SCFD2: variants seen among roughly 807,000 people sequenced by gnomAD.
SCFD2 encodes sec1 family domain containing 2.
Under a neutral mutation model 58.9 loss-of-function variants are expected in SCFD2, and 54 were observed. The ratio of observed to expected loss-of-function variants is 0.92; its 90% CI spans 0.74 to 1.15. The LOEUF is 1.15. Among genes scored for constraint, SCFD2 ranks in the 50% most tolerant of loss-of-function variants. The pLI is 0.00. For missense variants in SCFD2, 805 were observed against 836.6 expected, an observed-to-expected ratio of 0.96 and a Z score of 0.47; for synonymous variants, 321 against 335.9, an observed-to-expected ratio of 0.96 and a Z score of 0.49.
rs148498199 is a variant in SCFD2, at chr4:52,886,330, G to A, written c.1843-464C>T. Among the ~76,000 whole-genome samples the A allele has an allele frequency of 4.6e-5, 7 of 152,274 alleles. No individual in the cohort carries two copies. The East Asian group carries it at 1.2e-3, about 25-fold the overall frequency. Reference sequence around the variant, plus strand: ...AAAAACCACCTGACTTCGGTTGGGGGACCACCCTTGCATCCCCTCTCTGCT... The same window carrying A: ...AAAAACCACCTGACTTCGGTTGGGGAACCACCCTTGCATCCCCTCTCTGCT... On this transcript the variant is annotated intron_variant, in intron 7 of 8. Coordinates refer to ENST00000401642, the MANE Select transcript of SCFD2 (RefSeq NM_152540.4).
At chr4:53,224,027 C>G (rs1729124144) in intron 4 of SCFD2, among the ~76,000 whole-genome samples, 2 of 152,140 alleles carry the variant, frequency 1.3e-5, no homozygotes, top group Admixed American at 1.3e-4. Flanking sequence ...TCATTCTGGG[C>G]TAGTCAATTA....
At chr4:52,935,499 G>T (rs1720113690) in intron 5 of SCFD2, among the ~76,000 whole-genome samples, 1 of 152,170 alleles carries the variant, frequency 6.6e-6, no homozygotes, top group South Asian at 2.1e-4. Context: ...TGTAAATCCT[G>T]CCCTTAGGTC....
intron 6 of SCFD2, among the ~76,000 whole-genome samples, chr4:52,919,647 C>T (rs1211970129): frequency 2.0e-5 from 3 of 152,240 alleles, no homozygotes; most frequent in African/African-American, 7.2e-5. Context: ...TGGCCATCTG[C>T]ATGCCTGTGG....
intron 3 of SCFD2, among the ~76,000 whole-genome samples, chr4:53,301,963 G>C (rs1732320484): frequency 6.6e-6 from 1 of 152,114 alleles, no homozygotes; most frequent in South Asian, 2.1e-4. Flanking sequence ...AAAATAATAA[G>C]AGCTATCTAT....
At chr4:53,054,730 A>G (rs921332047) in intron 5 of SCFD2, among the ~76,000 whole-genome samples, 1 of 151,810 alleles carries the variant, frequency 6.6e-6, no homozygotes, top group Admixed American at 6.6e-5. Context: ...ACAGCTGCTT[A>G]GCAGCCTTGA....
intron 5 of SCFD2, among the ~76,000 whole-genome samples, chr4:52,925,245 C>T (rs2109490471): frequency 6.7e-6 from 1 of 150,020 alleles, no homozygotes; most frequent in South Asian, 2.1e-4. Context: ...TTCATATCTG[C>T]TAAGGCCACA....
chr4:53,361,927 C>T (rs1734558424), intron 1 of SCFD2, among the ~76,000 whole-genome samples: 1 of 152,108 alleles, frequency 6.6e-6, no homozygotes, highest in Non-Finnish European at 1.5e-5. Context: ...TTAATCCACT[C>T]ATTTATCCAT....
At chr4:52,915,937 C>G (rs1719591933) in intron 6 of SCFD2, among the ~76,000 whole-genome samples, 1 of 152,244 alleles carries the variant, frequency 6.6e-6, no homozygotes, top group Non-Finnish European at 1.5e-5. Flanking sequence ...CAGAGAGCCA[C>G]ATTTCACTGG....
chr4:53,355,035 T>C (rs1227935105), intron 1 of SCFD2, among the ~76,000 whole-genome samples: 4 of 152,190 alleles, frequency 2.6e-5, no homozygotes, highest in Admixed American at 2.0e-4. Flanking sequence ...GACCAGAAAA[T>C]ACCAATTCTG....
rs192949248 is a variant in SCFD2, at chr4:53,066,934, G to A, written c.1561+78399C>T. On this transcript the variant is annotated intron_variant, in intron 5 of 8. Coordinates refer to ENST00000401642, the MANE Select transcript of SCFD2 (RefSeq NM_152540.4). Reference sequence around the variant, plus strand: ...TAGAATGCAGGCCTCATGAGGAAAAGGGGCTGATGATGCTCATTCCTGCCA... The same window carrying A: ...TAGAATGCAGGCCTCATGAGGAAAAAGGGCTGATGATGCTCATTCCTGCCA... Among the ~76,000 whole-genome samples the A allele has an allele frequency of 3.9e-3, 597 of 152,164 alleles. 2 individuals carry two copies. Among genetic ancestry groups the A allele is most frequent in the African/African-American group, 0.014 (573 of 41,530 alleles).
At chr4:53,295,301 T>C (rs1577940156) in intron 3 of SCFD2, among the ~76,000 whole-genome samples, 1 of 152,210 alleles carries the variant, frequency 6.6e-6, no homozygotes, top group East Asian at 1.9e-4. Context: ...TTTGTTTGTG[T>C]CCTCTCTGAT....
chr4:52,937,069 A>G (rs1439659073), intron 5 of SCFD2, among the ~76,000 whole-genome samples: 1 of 152,230 alleles, frequency 6.6e-6, no homozygotes, highest in African/African-American at 2.4e-5. Context: ...TACAAGAAAA[A>G]TGGAGGTAGG....
chr4:53,232,271 G>C (rs1342669989), intron 4 of SCFD2, among the ~76,000 whole-genome samples: 1 of 152,092 alleles, frequency 6.6e-6, no homozygotes, highest in South Asian at 2.1e-4. Flanking sequence ...ACTACTCAAA[G>C]GAATCTTTTG....
chr4:53,271,435 C>CTTTATTAATTTA, intron 4 of SCFD2, among the ~76,000 whole-genome samples: 1 of 139,504 alleles, frequency 7.2e-6, no homozygotes, highest in Middle Eastern at 3.6e-3. Context: ...ACATACATCA[C>CTTTATTAATTTA]TTTATTTATT....
chr4:53,334,611 G>A (rs1733615866), intron 2 of SCFD2, among the ~76,000 whole-genome samples: 2 of 149,876 alleles, frequency 1.3e-5, no homozygotes, highest in African/African-American at 4.9e-5. Context: ...TGGGGTGGGG[G>A]GAAGGGGGAG....
chr4:53,210,718 T>G (rs1349920659), intron 4 of SCFD2, among the ~76,000 whole-genome samples: 4 of 152,152 alleles, frequency 2.6e-5, no homozygotes, highest in Non-Finnish European at 5.9e-5. Context: ...ATATTGATTT[T>G]TGTCCATTGT....
chr4:53,225,235 T>A (rs185429392), intron 4 of SCFD2, among the ~76,000 whole-genome samples: 7 of 152,270 alleles, frequency 4.6e-5, no homozygotes, highest in African/African-American at 1.2e-4. Flanking sequence ...AATAGTAATG[T>A]TTCTGAATGA....
At chr4:53,156,649 G>A (rs68028140) in intron 4 of SCFD2, among the ~76,000 whole-genome samples, 24,422 of 152,190 alleles carry the variant, frequency 0.16, 2,420 homozygotes, top group Admixed American at 0.25. Context: ...CGTGAGCCGA[G>A]ATTGAGCCAC....
Position 53,330,245 on chromosome 4 carries a change from C to A in SCFD2, c.1008-16482G>T, listed in dbSNP as rs574606566. On this transcript the variant is annotated intron_variant, in intron 2 of 8. Coordinates refer to ENST00000401642, the MANE Select transcript of SCFD2 (RefSeq NM_152540.4). Reference sequence around the variant, plus strand: ...GTTCAGATTCAGGAAATACAGAGAACGCCACAAAGATACTCCTCAAGAAGA... The same window carrying A: ...GTTCAGATTCAGGAAATACAGAGAAAGCCACAAAGATACTCCTCAAGAAGA... Among the ~76,000 whole-genome samples, 81 of 152,048 alleles carry A rather than the reference C, an allele frequency of 5.3e-4. 1 individual carries two copies. In the South Asian group the frequency reaches 0.017, roughly 31 times the overall value.
Sources: allele counts gnomAD v4.1 joint callset (sites outside exome capture counted in the v4.1 genomes callset), GRCh38; gene constraint gnomAD v4.1.1; transcripts MANE v1.5; gene names NCBI Gene and HGNC (gene_info 2026-07-23, HGNC 2026-07-21).